Variants in PXDNL observed in about 807,000 individuals in gnomAD.
The protein encoded by PXDNL is peroxidasin like.
In PXDNL, 145 loss-of-function variants were observed where a neutral mutation model predicts 150.8. The ratio of observed to expected loss-of-function variants is 0.96; its 90% CI spans 0.84 to 1.10. The LOEUF is 1.10. Ranked by LOEUF, PXDNL falls within the 50% of genes least tolerant of loss-of-function variation. The pLI, the probability that PXDNL is intolerant of heterozygous loss-of-function variation, is 0.00. For synonymous variants in PXDNL, 757 were observed against 725.7 expected (o/e 1.04, Z -0.69); for missense variants, 2,087 against 1,873.9 (o/e 1.11, Z -2.10).
chr8:51,530,410 T>C (rs1036667965), intron 4 of PXDNL, among the ~76,000 whole-genome samples: 4 of 152,182 alleles, frequency 2.6e-5, no homozygotes, highest in African/African-American at 4.8e-5. Context: ...TGGCCTCTAG[T>C]CTTCCTCCTT....
chr8:51,531,539 C>T lies in PXDNL; in HGVS notation c.380+25301G>A, dbSNP rs149493526. The stretch of plus-strand genomic sequence containing the variant: ...TGAATGAGATGGGCTCAGGCCGGTC[C>T]CCAGGGAGAAGGTAGGTGCATTCTA... On this transcript the variant is annotated intron_variant, in intron 4 of 22. Transcript: ENST00000356297. Among the ~76,000 whole-genome samples, 238 of 152,186 alleles carry T rather than the reference C, an allele frequency of 1.6e-3. 1 individual carries two copies. Among genetic ancestry groups the T allele is most frequent in the African/African-American group, 5.4e-3 (225 of 41,534 alleles).
chr8:51,431,688 G>T (rs1243059909), intron 12 of PXDNL, among the ~76,000 whole-genome samples: 1 of 151,976 alleles, frequency 6.6e-6, no homozygotes, highest in African/African-American at 2.4e-5. Flanking sequence ...TCCAATTCTT[G>T]GTCCTCTCAC....
At chr8:51,512,812 C>A (rs1269660144) in intron 4 of PXDNL, among the ~76,000 whole-genome samples, 1 of 152,210 alleles carries the variant, frequency 6.6e-6, no homozygotes, top group Non-Finnish European at 1.5e-5. Context: ...CCTCCCCACC[C>A]TGCTTCCCTT....
chr8:51,678,173 A>G, intron 1 of PXDNL, among the ~76,000 whole-genome samples: 1 of 152,228 alleles, frequency 6.6e-6, no homozygotes, highest in East Asian at 1.9e-4. Flanking sequence ...ACTCCTCAGT[A>G]TAAGGAGAAG....
intron 12 of PXDNL, among the ~76,000 whole-genome samples, chr8:51,446,356 T>C (rs1809671943): frequency 6.6e-6 from 1 of 152,250 alleles, no homozygotes; most frequent in Non-Finnish European, 1.5e-5. Flanking sequence ...TTAGGTGCTA[T>C]GCATTTTGTA....
At chr8:51,703,211 T>C (rs570293877) in intron 1 of PXDNL, among the ~76,000 whole-genome samples, 4 of 152,124 alleles carry the variant, frequency 2.6e-5, no homozygotes, top group Middle Eastern at 3.4e-3. Context: ...TTAAATTGAA[T>C]ACATTAATCA....
chr8:51,323,577 C>A (rs1261091379), intron 21 of PXDNL, among the ~76,000 whole-genome samples: 3 of 152,276 alleles, frequency 2.0e-5, no homozygotes, highest in Admixed American at 6.5e-5. Flanking sequence ...GCTTAAACCA[C>A]CACACCCTGC....
At chr8:51,761,318 T>C (rs1380019012) in intron 1 of PXDNL, among the ~76,000 whole-genome samples, 2 of 152,124 alleles carry the variant, frequency 1.3e-5, no homozygotes, top group Non-Finnish European at 2.9e-5. Context: ...ACAGCTCTCT[T>C]CCTGATACTT....
rs183622230 is a variant in PXDNL at position 51,776,087 on chromosome 8, C to T, written c.164+33094G>A. 4.5e-3 allele frequency among the ~76,000 whole-genome samples: 689 copies of T among 152,234 alleles called. 4 individuals are homozygous for T. The highest frequency in any genetic ancestry group is 0.022 in the South Asian group (105 of 4,818). ...TGTAGCGCTCCCAGGCTTATTAGGA[C>T]GAAGAAATTCCCGCCTAATAAATTT... On this transcript the variant is annotated intron_variant, in intron 1 of 22. Coordinates refer to ENST00000356297, the MANE Select transcript of PXDNL (RefSeq NM_144651.5).
Position 51,431,727 on chromosome 8 carries a change from T to C in PXDNL, c.1526-4969A>G, listed in dbSNP as rs1183717907. Among the ~76,000 whole-genome samples the C allele has an allele frequency of 2.0e-5, 3 of 152,194 alleles. No homozygotes were observed. The East Asian group carries it at 5.8e-4, about 29-fold the overall frequency. On this transcript the variant is annotated intron_variant, in intron 12 of 22. Transcript: ENST00000356297. ...CTCACTCAATGCACCACCTTAGTTC[T>C]AAATTAGTTCATTAATAACCATGGA... is the stretch of plus-strand genomic sequence containing the variant.
intron 17 of PXDNL, among the ~76,000 whole-genome samples, chr8:51,385,058 A>T (rs1320493964): frequency 1.9e-4 from 29 of 152,196 alleles, no homozygotes; most frequent in Admixed American, 1.9e-3. Flanking sequence ...AGACAGGTCC[A>T]TATCCAATAA....
chr8:51,380,911 C>A (rs929212683), intron 17 of PXDNL, among the ~76,000 whole-genome samples: 1 of 151,924 alleles, frequency 6.6e-6, no homozygotes, highest in Admixed American at 6.5e-5. Flanking sequence ...TCTTTTTAAT[C>A]GGCTTATGTC....
intron 1 of PXDNL, among the ~76,000 whole-genome samples, chr8:51,668,176 C>CTTTTTTTTTCTTTT (rs1815427410): frequency 1.3e-5 from 1 of 77,384 alleles, no homozygotes; most frequent in Non-Finnish European, 2.2e-5. Context: ...CTCGCTCTCT[C>CTTTTTTTTTCTTTT]TTTTTTTTTT....
In PXDNL at chr8:51,362,219, G is replaced by A. The variant is rs187499052; in HGVS notation, c.3901+9654C>T. ...AGTGTTTACAAAAGATAAGACCTCCGGTAAAGTAGGCTTGCTTCTTTCTCA... is the reference window on the plus strand; with the variant it reads ...AGTGTTTACAAAAGATAAGACCTCCAGTAAAGTAGGCTTGCTTCTTTCTCA... On this transcript the variant is annotated intron_variant, in intron 19 of 22. Transcript: ENST00000356297. Among the ~76,000 whole-genome samples, 405 of 152,244 alleles carry A rather than the reference G, an allele frequency of 2.7e-3. 1 individual carries two copies. The Middle Eastern group carries it at 0.037, about 14-fold the overall frequency.
At chr8:51,348,010 G>C (rs1451408722) in intron 19 of PXDNL, among the ~76,000 whole-genome samples, 1 of 152,102 alleles carries the variant, frequency 6.6e-6, no homozygotes, top group Non-Finnish European at 1.5e-5. Flanking sequence ...CACAGCTTTT[G>C]TCAATAAATA....
At chr8:51,334,744 C>T (rs967871684) in intron 21 of PXDNL, among the ~76,000 whole-genome samples, 2 of 152,032 alleles carry the variant, frequency 1.3e-5, no homozygotes, top group African/African-American at 4.8e-5. Flanking sequence ...TCCTGGAATT[C>T]CTATCCATCC....
chr8:51,465,351 T>C (rs1810181272), intron 8 of PXDNL, among the ~76,000 whole-genome samples: 1 of 151,514 alleles, frequency 6.6e-6, no homozygotes, highest in Admixed American at 6.6e-5. Context: ...AATCCAACAT[T>C]CCTTCATGAT....
intron 1 of PXDNL, among the ~76,000 whole-genome samples, chr8:51,658,916 T>C (rs776604994): frequency 7.9e-5 from 12 of 152,310 alleles, no homozygotes; most frequent in Non-Finnish European, 1.3e-4. Context: ...ACATTTTGGT[T>C]GTTTCCAAAT....
At chr8:51,644,318 T>TTATATTTATATATATATA (rs1406776100) in intron 2 of PXDNL, among the ~76,000 whole-genome samples, 1 of 63,270 alleles carries the variant, frequency 1.6e-5, no homozygotes, top group Non-Finnish European at 4.2e-5. Context: ...AGGCACATTT[T>TTATATTTATATATATATA]TACATATATA....
Sources: gnomAD v4.1 joint callset for allele counts (sites outside exome capture counted in the v4.1 genomes callset) on GRCh38, gnomAD v4.1.1 for gene constraint, MANE v1.5 for transcripts, NCBI Gene and HGNC (gene_info 2026-07-23, HGNC 2026-07-21) for gene names.